USPL1: variants seen among roughly 807,000 people sequenced by gnomAD.
USPL1 encodes ubiquitin specific peptidase like 1.
A neutral mutation model predicts 51.5 loss-of-function variants in USPL1; 27 were observed. That is an observed-to-expected ratio of 0.52 (90% CI 0.39 to 0.72). The LOEUF is 0.72. Among genes scored for constraint, USPL1 ranks in the 30% least tolerant of loss-of-function variants. The probability of loss-of-function intolerance (pLI) is 0.00; values close to 1 mark genes in which losing one functional copy is unlikely to be tolerated. For synonymous variants in USPL1, 451 were observed against 459.6 expected (o/e 0.98, Z 0.24); for missense variants, 1,226 against 1,268.0 (o/e 0.97, Z 0.50).
At chr13:30,642,901 G>A in intron 6 of USPL1, 144 bp downstream of exon 6, 3 of 965,320 alleles carry the variant, frequency 3.1e-6, no homozygotes, top group Non-Finnish European at 4.5e-6. Context: ...TAGACTGCTA[G>A]TAGGATATTT....
At chr13:30,628,240 C>T (rs756403701) in intron 3 of USPL1, among the ~76,000 whole-genome samples, 5 of 151,836 alleles carry the variant, frequency 3.3e-5, no homozygotes, top group East Asian at 1.9e-4. Context: ...CTCATATAAA[C>T]GGAATCATAC....
chr13:30,631,156 A>C lies in USPL1; in HGVS notation c.550A>C (p.Thr184Pro). 6.2e-7 allele frequency: 1 copy of C among 1,614,212 alleles called. No individual in the cohort carries two copies. The highest frequency in any genetic ancestry group is 8.5e-7 in the Non-Finnish European group (1 of 1,180,030). ...ILEADTVDMA[T>P]TKDPATVDVS... ...GGAAGCTGATACTGTTGACATGGCT[A>C]CTACAAAAGATCCTGCTACAGTTGA... Residue 184 changes from threonine (T) to proline (P), a missense_variant, in exon 4 of 9, where the codon ACT becomes CCT. Coordinates refer to ENST00000255304, the MANE Select transcript of USPL1 (RefSeq NM_005800.5).
At position 30,657,505 on chromosome 13, in the gene USPL1, C is replaced by G; in HGVS notation, c.1428C>G (p.Gly476=). The G allele has an allele frequency of 6.2e-7, 1 of 1,608,444 alleles. No homozygotes were observed. Among genetic ancestry groups the G allele is most frequent in the Non-Finnish European group, 8.5e-7 (1 of 1,177,974 alleles). ...GSWLECDDLK[G]PCSERHKKFE... ...GGCTGGAATGTGATGACTTAAAAGG[C>G]CCATGTTCTGAAAGGCACAAGAAAT... The change falls in exon 9 of 9, where the codon GGC becomes GGG. Residue 476 remains glycine (G), a synonymous_variant. Coordinates refer to ENST00000255304, the MANE Select transcript of USPL1 (RefSeq NM_005800.5).
intron 8 of USPL1, among the ~76,000 whole-genome samples, chr13:30,654,816 A>G (rs1951138853): frequency 6.6e-6 from 1 of 151,992 alleles, no homozygotes; most frequent in African/African-American, 2.4e-5. Flanking sequence ...AAAAAAAGTT[A>G]TGTGACTTTT....
At chr13:30,655,221 G>GCCA (rs1390159197) in intron 8 of USPL1, among the ~76,000 whole-genome samples, 7 of 152,202 alleles carry the variant, frequency 4.6e-5, no homozygotes, top group Admixed American at 4.6e-4. Context: ...ACAGGCATGA[G>GCCA]CCACCGCACC....
chr13:30,619,635 C>T (rs1950622701), intron 1 of USPL1, among the ~76,000 whole-genome samples: 1 of 152,166 alleles, frequency 6.6e-6, no homozygotes, highest in Non-Finnish European at 1.5e-5. Flanking sequence ...TTTAATTTGT[C>T]AGGTGCTAAA....
intron 3 of USPL1, among the ~76,000 whole-genome samples, chr13:30,622,391 C>T (rs749749144): frequency 5.9e-5 from 9 of 152,080 alleles, no homozygotes; most frequent in East Asian, 1.9e-4. Context: ...TAATTTGTAC[C>T]GACTGGTACG....
chr13:30,638,517 G>A (rs1042226873), intron 5 of USPL1, among the ~76,000 whole-genome samples: 1 of 152,144 alleles, frequency 6.6e-6, no homozygotes, highest in Non-Finnish European at 1.5e-5. Flanking sequence ...TGGGAGTGGC[G>A]TGCAGCAAGT....
intron 8 of USPL1, among the ~76,000 whole-genome samples, chr13:30,657,004 C>T (rs940942936): frequency 3.3e-5 from 5 of 152,004 alleles, no homozygotes; most frequent in African/African-American, 9.7e-5. Flanking sequence ...TAACTGCCAG[C>T]GACACACTGC....
intron 7 of USPL1, among the ~76,000 whole-genome samples, chr13:30,651,058 G>T (rs1265823910): frequency 6.6e-6 from 1 of 151,782 alleles, no homozygotes; most frequent in African/African-American, 2.4e-5. Flanking sequence ...GCCATACCGA[G>T]ATTTTCGACA....
intron 6 of USPL1, among the ~76,000 whole-genome samples, chr13:30,644,613 G>A (rs1049742136): frequency 6.6e-6 from 1 of 152,182 alleles, no homozygotes; most frequent in Non-Finnish European, 1.5e-5. Context: ...ACAGATGAAT[G>A]TGTGGAATGG....
intron 5 of USPL1, among the ~76,000 whole-genome samples, chr13:30,638,486 T>A (rs1247531237): frequency 1.3e-5 from 2 of 152,218 alleles, no homozygotes; most frequent in Non-Finnish European, 2.9e-5. Flanking sequence ...CTTTGTTCTC[T>A]GTGACTTGGT....
At position 30,618,072 on chromosome 13, in the gene USPL1, G is replaced by A. The variant is rs1947939490; in HGVS notation, c.-69+16G>A. On this transcript the variant is annotated intron_variant, in intron 1 of 8. Transcript: ENST00000255304. The stretch of plus-strand genomic sequence containing the variant: ...CCCGCGGCAGGTAAGGGAGAAGAGG[G>A]AGGGGTTTCTTTCCGCTCTCGAAAT... 1 of 152,494 alleles carries A rather than the reference G, an allele frequency of 6.6e-6. No homozygotes were observed. Among genetic ancestry groups the A allele is most frequent in the African/African-American group, 2.4e-5 (1 of 41,464 alleles). 9.4% of individuals were successfully genotyped at this position (152,494 alleles called of 1,614,324 possible).
chr13:30,651,602 G>A (rs1016141472), intron 7 of USPL1, among the ~76,000 whole-genome samples: 1 of 152,204 alleles, frequency 6.6e-6, no homozygotes, highest in East Asian at 1.9e-4. Flanking sequence ...TCAAGAGATT[G>A]TTTTAGTAAC....
At chr13:30,629,939 T>G (rs548476872) in intron 3 of USPL1, among the ~76,000 whole-genome samples, 1 of 152,196 alleles carries the variant, frequency 6.6e-6, no homozygotes, top group East Asian at 1.9e-4. Context: ...CTACCATACT[T>G]GTGTAAAAGA....
Position 30,658,227 on chromosome 13 carries a change from G to T in USPL1, c.2150G>T (p.Arg717Leu). ...AAAACTGAACAATTAAAACCAGAAC[G>T]TGTCACATCTCAGGTATCTAATTTG... Reference protein sequence around the residue: ...TPKTEQLKPERVTSQVSNLKK... With the variant: ...TPKTEQLKPELVTSQVSNLKK... The change falls in exon 9 of 9, where the codon CGT becomes CTT. Residue 717 changes from arginine to leucine, a missense_variant. By Grantham distance (102) the Arg-to-Leu change is moderately radical (BLOSUM62 -2). Coordinates refer to ENST00000255304, the MANE Select transcript of USPL1 (RefSeq NM_005800.5). 1.9e-6 allele frequency: 3 copies of T among 1,611,972 alleles called. No individual in the cohort carries two copies. The highest frequency in any genetic ancestry group is 4.5e-5 in the East Asian group (2 of 44,872).
intron 1 of USPL1, among the ~76,000 whole-genome samples, chr13:30,618,440 C>T (rs940958566): frequency 6.6e-6 from 1 of 151,568 alleles, no homozygotes; most frequent in Admixed American, 6.6e-5. Context: ...CCCTGTTCCT[C>T]GGCTTCCAGG....
intron 3 of USPL1, among the ~76,000 whole-genome samples, chr13:30,624,134 C>A (rs1950679552): frequency 6.6e-6 from 1 of 152,124 alleles, no homozygotes; most frequent in African/African-American, 2.4e-5. Flanking sequence ...TAGGATCTGA[C>A]ATGGTCTCTA....
At position 30,621,072 on chromosome 13, in the gene USPL1, G is replaced by T; in HGVS notation, c.-68-1G>T. On this transcript the variant is annotated splice_acceptor_variant, in intron 1 of 8. Transcript: ENST00000255304. LOFTEE classifies it low-confidence loss of function (5UTR_SPLICE). ...ATTGTCTATTGACTTTTTTTTTCCA[G>T]GGTTCATTGAAAAAATCCTTAGTGA... 7.9e-7 allele frequency: 1 copy of T among 1,261,890 alleles called. No homozygotes were observed. 78.2% of individuals were successfully genotyped at this position (1,261,890 alleles called of 1,614,324 possible).
Sources: gnomAD v4.1 joint callset for allele counts (sites outside exome capture counted in the v4.1 genomes callset) on GRCh38, gnomAD v4.1.1 for gene constraint, MANE v1.5 for transcripts, NCBI Gene and HGNC (gene_info 2026-07-23, HGNC 2026-07-21) for gene names.